Variants in PCDHGB5 observed in about 807,000 individuals in gnomAD.
PCDHGB5 encodes protocadherin gamma-B5.
PCDHGB5 carries 48 observed loss-of-function variants against 62.9 expected under a neutral mutation model. The ratio of observed to expected loss-of-function variants is 0.76; its 90% CI spans 0.61 to 0.97. The LOEUF is 0.97. Ranked by LOEUF, PCDHGB5 falls within the 50% of genes least tolerant of loss-of-function variation. PCDHGB5 has a pLI of 0.00. For missense variants in PCDHGB5, 1,118 were observed against 1,198.6 expected, an observed-to-expected ratio of 0.93 and a Z score of 0.99; for synonymous variants, 474 against 511.2, an observed-to-expected ratio of 0.93 and a Z score of 0.98.
Position 141,399,997 on chromosome 5 carries a change from A to C in PCDHGB5, c.1870A>C (p.Thr624Pro), listed in dbSNP as rs2093936203. ...GGGGCTGCGCACAGGAGAGGTGCGC[A>C]CAGCGCGTGCCTTGGGCGACAGGGA... ...SLGLRTGEVR[T>P]ARALGDRDAA... The change falls in exon 1 of 4, where the codon ACA becomes CCA. Residue 624 changes from threonine (T) to proline (P), a missense_variant. By Grantham distance (38) the Thr-to-Pro change is conservative. This residue lies in a region of PCDHGB5 where 1,034 missense variants were observed against 1,029.1 expected (regional missense o/e 1.00). Transcript: ENST00000617380. The C allele has an allele frequency of 6.2e-7, 1 of 1,612,226 alleles. No individual in the cohort carries two copies. Among genetic ancestry groups the C allele is most frequent in the African/African-American group, 1.3e-5 (1 of 74,900 alleles).
At chr5:141,419,686 G>T (rs551990092) in intron 1 of PCDHGB5, 2 of 1,612,878 alleles carry the variant, frequency 1.2e-6, no homozygotes, top group South Asian at 1.1e-5. Flanking sequence ...ACCACGTGGT[G>T]CAGGCCAGTG....
At chr5:141,415,709 C>A in intron 1 of PCDHGB5, 1 of 1,092,276 alleles carries the variant, frequency 9.2e-7, no homozygotes, top group Non-Finnish European at 1.3e-6. Context: ...AATGCTAAAA[C>A]ACTGATGAGT....
chr5:141,457,877 C>A (rs1488774514), intron 1 of PCDHGB5, among the ~76,000 whole-genome samples: 1 of 152,196 alleles, frequency 6.6e-6, no homozygotes, highest in Admixed American at 6.6e-5. Context: ...AGGTTAGGAA[C>A]CCTGTGTGGG....
chr5:141,454,796 A>ATTTTTTTTTTTTTTTTTTTTTTTTTTTT (rs61612330), intron 1 of PCDHGB5, among the ~76,000 whole-genome samples: 3 of 77,456 alleles, frequency 3.9e-5, no homozygotes, highest in Admixed American at 1.8e-4. Flanking sequence ...CATGGTTCTA[A>ATTTTTTTTTTTTTTTTTTTTTTTTTTTT]TTTTTTTTTT....
chr5:141,476,318 G>T lies in PCDHGB5; in HGVS notation c.2398-18489G>T. 3 of 1,614,202 alleles carry T rather than the reference G, an allele frequency of 1.9e-6. No homozygotes were observed. The highest frequency in any genetic ancestry group is 2.5e-6 in the Non-Finnish European group (3 of 1,180,052). The stretch of plus-strand genomic sequence containing the variant: ...TAGCCTCTCAGCCCGCAGGTTCCGG[G>T]TGGTGTCTGGAGCTAGCCGAAGATT... On this transcript the variant is annotated intron_variant, in intron 1 of 3. Transcript: ENST00000617380. This position sits in a 1 kb window ranked among gnomAD's most constrained non-coding sequence, Gnocchi z 7.6.
chr5:141,486,137 G>A lies in PCDHGB5; in HGVS notation c.2398-8670G>A, dbSNP rs1187526031. 1 of 1,614,074 alleles carries A rather than the reference G, an allele frequency of 6.2e-7. No individual in the cohort carries two copies. On this transcript the variant is annotated intron_variant, in intron 1 of 3. Coordinates refer to ENST00000617380, the MANE Select transcript of PCDHGB5 (RefSeq NM_018925.3). The surrounding 1 kb of genome is among the most constrained non-coding windows in gnomAD (Gnocchi z 5.0). ...GAATTACTATGAATTTGATGTGCGGGCTCGCGATGGGGGTTCTCCAGCCAT... is the reference window on the plus strand; with the variant it reads ...GAATTACTATGAATTTGATGTGCGGACTCGCGATGGGGGTTCTCCAGCCAT...
At chr5:141,466,384 T>C (rs1209046694) in intron 1 of PCDHGB5, among the ~76,000 whole-genome samples, 9 of 152,168 alleles carry the variant, frequency 5.9e-5, no homozygotes, top group Non-Finnish European at 1.3e-4. Context: ...ACCCATCTAA[T>C]GGAAAGTTTG....
intron 1 of PCDHGB5, among the ~76,000 whole-genome samples, chr5:141,443,179 A>G (rs2098370392): frequency 6.6e-6 from 1 of 152,190 alleles, no homozygotes; most frequent in South Asian, 2.1e-4. Flanking sequence ...TGTCCACTGC[A>G]TCATTCTCTA....
rs2096665320 is a variant in PCDHGB5 at position 141,422,696 on chromosome 5, A to G, written c.2397+22172A>G. The G allele has an allele frequency of 3.1e-6, 5 of 1,602,638 alleles. No homozygotes were observed. The highest frequency in any genetic ancestry group is 4.3e-6 in the Non-Finnish European group (5 of 1,174,110). On this transcript the variant is annotated intron_variant, in intron 1 of 3. Coordinates refer to ENST00000617380, the MANE Select transcript of PCDHGB5 (RefSeq NM_018925.3). Reference sequence around the variant, plus strand: ...AGCAAACAGAATGCCCTGGTCACTTACTCTCTGACGGATGACACTGTCCAG... The same window carrying G: ...AGCAAACAGAATGCCCTGGTCACTTGCTCTCTGACGGATGACACTGTCCAG...
intron 1 of PCDHGB5, chr5:141,478,776 A>T: frequency 1.3e-6 from 2 of 1,488,808 alleles, no homozygotes; most frequent in Non-Finnish European, 1.8e-6. Context: ...TCATCTGTGG[A>T]CCTAATTCAC....
At chr5:141,419,354 C>T in intron 1 of PCDHGB5, 3 of 1,613,828 alleles carry the variant, frequency 1.9e-6, no homozygotes, top group Non-Finnish European at 1.7e-6. Flanking sequence ...CCTGGAGTCA[C>T]GAACGCTGTC....
At chr5:141,444,788 G>T (rs775248284) in intron 1 of PCDHGB5, among the ~76,000 whole-genome samples, 59 of 151,920 alleles carry the variant, frequency 3.9e-4, no homozygotes, top group Non-Finnish European at 5.7e-4. Context: ...TGTTTCATTT[G>T]TCTATTCTTT....
At chr5:141,446,208 G>GAT (rs1387839424) in intron 1 of PCDHGB5, among the ~76,000 whole-genome samples, 1 of 152,156 alleles carries the variant, frequency 6.6e-6, no homozygotes, top group Non-Finnish European at 1.5e-5. Context: ...CTAGGTGTCT[G>GAT]AAAATATTGT....
At chr5:141,435,172 T>G (rs1406204282) in intron 1 of PCDHGB5, among the ~76,000 whole-genome samples, 1 of 152,198 alleles carries the variant, frequency 6.6e-6, no homozygotes, top group Non-Finnish European at 1.5e-5. Context: ...GAGTGGCTTT[T>G]AACTACACTT....
chr5:141,433,174 G>A (rs1298757358), intron 1 of PCDHGB5: 1 of 1,610,308 alleles, frequency 6.2e-7, no homozygotes, highest in Non-Finnish European at 8.5e-7. Context: ...ACAGTCATGG[G>A]TTAATTGAGG....
chr5:141,470,828 C>A (rs1328067769), intron 1 of PCDHGB5, among the ~76,000 whole-genome samples: 1 of 151,994 alleles, frequency 6.6e-6, no homozygotes, highest in Non-Finnish European at 1.5e-5. Flanking sequence ...GTTAGGACGA[C>A]AAACACACGC....
intron 1 of PCDHGB5, among the ~76,000 whole-genome samples, chr5:141,467,032 T>G (rs551565159): frequency 2.0e-5 from 3 of 152,164 alleles, no homozygotes; most frequent in Non-Finnish European, 2.9e-5. Flanking sequence ...GTTTTTGTTT[T>G]TTGTGTAATG....
At chr5:141,500,469 AAAG>A (rs1479386829) in intron 2 of PCDHGB5, among the ~76,000 whole-genome samples, 1 of 152,052 alleles carries the variant, frequency 6.6e-6, no homozygotes, top group Non-Finnish European at 1.5e-5. Context: ...TCGGCCTCCC[AAAG>A]TGCTGGGATT....
chr5:141,413,188 A>C, intron 1 of PCDHGB5: 4 of 1,606,680 alleles, frequency 2.5e-6, no homozygotes, highest in Non-Finnish European at 3.4e-6. Flanking sequence ...GGCCGCTCAA[A>C]GGAATCGCTC....
Sources: gnomAD v4.1 joint callset for allele counts (sites outside exome capture counted in the v4.1 genomes callset) on GRCh38, gnomAD v4.1.1 for gene constraint, gnomAD v4.1.1 regional missense constraint, Gnocchi (gnomAD v3.1) non-coding constraint, MANE v1.5 for transcripts, NCBI Gene and HGNC (gene_info 2026-07-23, HGNC 2026-07-21) for gene names.